The following VPS53 variants were observed in gnomAD, a reference collection of about 807,000 sequenced individuals.
VPS53 encodes vacuolar protein sorting-associated protein 53 homolog.
A neutral mutation model predicts 107.0 loss-of-function variants in VPS53; 70 were observed. The observed-to-expected ratio is 0.65, with a 90% CI of 0.54 to 0.80. The LOEUF (loss-of-function observed/expected upper bound fraction) is 0.80. Ranked by LOEUF, VPS53 falls within the 30% of genes least tolerant of loss-of-function variation. The pLI, the probability that VPS53 is intolerant of heterozygous loss-of-function variation, is 0.00. For missense variants in VPS53, 917 were observed against 1,049.4 expected (o/e 0.87, Z 1.74); for synonymous variants, 409 against 393.3 (o/e 1.04, Z -0.47).
At chr17:618,627 G>A (rs1264649862) in intron 11 of VPS53, among the ~76,000 whole-genome samples, 1 of 151,808 alleles carries the variant, frequency 6.6e-6, no homozygotes, top group Non-Finnish European at 1.5e-5. Flanking sequence ...ATATTTCCCG[G>A]GTAGCTGGGA....
rs182470002 is a variant in VPS53, at chr17:644,050, T to C, written c.608+9241A>G. Among the ~76,000 whole-genome samples, 25 of 152,342 alleles carry C rather than the reference T, an allele frequency of 1.6e-4. No homozygotes were observed. In the East Asian group the frequency reaches 4.6e-3, roughly 28 times the overall value. On this transcript the variant is annotated intron_variant, in intron 7 of 21. Transcript: ENST00000437048. ...GGTTTTCAAGAGAATGTAAGGCTCT[T>C]CCATTCTTCATTGGGAGATACTGAC...
chr17:586,227 G>A (rs776188153), intron 13 of VPS53, 43 bp downstream of exon 13: 74 of 1,578,098 alleles, frequency 4.7e-5, no homozygotes, highest in South Asian at 3.7e-4. Context: ...TGACCAGAGC[G>A]GCGAGAAATG....
chr17:655,917 G>C lies in VPS53; in HGVS notation c.409C>G (p.His137Asp). The C allele has an allele frequency of 1.2e-6, 2 of 1,613,882 alleles. No homozygotes were observed. The highest frequency in any genetic ancestry group is 8.5e-7 in the Non-Finnish European group (1 of 1,179,938). The change falls in exon 6 of 22, where the codon CAC (histidine) becomes GAC (aspartate). Residue 137 changes from histidine to aspartate, a missense_variant. Transcript: ENST00000437048. Reference sequence around the variant, plus strand: ...GAGGTGGTCAGGTGGCGTTTGGCGTGATCTAATTGCTTAATATCACGGGTG... The same window carrying C: ...GAGGTGGTCAGGTGGCGTTTGGCGTCATCTAATTGCTTAATATCACGGGTG... Reference protein sequence around the residue: ...EITRDIKQLDHAKRHLTTSIT... With the variant: ...EITRDIKQLDDAKRHLTTSIT...
intron 1 of VPS53, among the ~76,000 whole-genome samples, chr17:712,420 C>T (rs981446003): frequency 1.9e-4 from 29 of 151,996 alleles, no homozygotes; most frequent in African/African-American, 6.5e-4. Context: ...ACATCGTGAT[C>T]CACCCGCCCT....
intron 3 of VPS53, 118 bp downstream of exon 3, chr17:699,213 C>A: frequency 4.5e-6 from 3 of 664,574 alleles, no homozygotes; most frequent in South Asian, 4.6e-5. Flanking sequence ...ATTATATTAC[C>A]ATCTATGGCA....
In VPS53 at chr17:519,850, G is replaced by C. The variant is rs374400243; in HGVS notation, c.2304C>G (p.Thr768=). The C allele has an allele frequency of 4.4e-4, 685 of 1,551,530 alleles. No individual in the cohort carries two copies. The highest frequency in any genetic ancestry group is 5.8e-4 in the Non-Finnish European group (669 of 1,146,944). The change falls in exon 21 of 22, where the codon ACC becomes ACG. Residue 768 remains threonine (T), a synonymous_variant. Transcript: ENST00000437048. This position sits in a 1 kb window ranked among gnomAD's most constrained non-coding sequence, Gnocchi z 5.0. ...CCTTCATGTCCAGTATCTTCTGAAA[G>C]GTTTCTGTGTTGCAGTCTGTGAGAA... The part of the protein sequence containing the change: ...IKLLTDCNTE[T]FQKILDMKGL...
At chr17:692,722 G>A (rs993345200) in intron 4 of VPS53, among the ~76,000 whole-genome samples, 1 of 152,238 alleles carries the variant, frequency 6.6e-6, no homozygotes, top group Non-Finnish European at 1.5e-5. Flanking sequence ...AGCACACCTA[G>A]CCGGGTGCGG....
At chr17:700,411 C>T (rs893785567) in intron 2 of VPS53, among the ~76,000 whole-genome samples, 2 of 151,826 alleles carry the variant, frequency 1.3e-5, no homozygotes, top group African/African-American at 4.8e-5. Flanking sequence ...ATTAGGCAGG[C>T]TTGGTGGTGG....
At chr17:690,861 T>C (rs753932659) in intron 4 of VPS53, among the ~76,000 whole-genome samples, 4 of 152,224 alleles carry the variant, frequency 2.6e-5, no homozygotes, top group Admixed American at 1.3e-4. Context: ...ACAGACTCCT[T>C]AGAAAATCTA....
At chr17:640,489 G>A (rs576278695) in intron 7 of VPS53, among the ~76,000 whole-genome samples, 6 of 152,206 alleles carry the variant, frequency 3.9e-5, no homozygotes, top group East Asian at 3.9e-4. Flanking sequence ...CTTCTGCGTC[G>A]TTCAAGCTGG....
chr17:555,040 T>C (rs1912209572), intron 15 of VPS53, among the ~76,000 whole-genome samples: 1 of 152,172 alleles, frequency 6.6e-6, no homozygotes, highest in Non-Finnish European at 1.5e-5. Context: ...CTGGAAACAA[T>C]CTACATGTGT....
chr17:677,973 T>C (rs562111077), intron 4 of VPS53, among the ~76,000 whole-genome samples: 4 of 151,680 alleles, frequency 2.6e-5, no homozygotes, highest in Admixed American at 1.3e-4. Flanking sequence ...CAAAAAAAAT[T>C]AGCCAGGCGT....
intron 4 of VPS53, among the ~76,000 whole-genome samples, chr17:671,706 C>CT (rs113856697): frequency 0.15 from 21,170 of 138,634 alleles, 2,033 homozygotes; most frequent in East Asian, 0.5. Flanking sequence ...TTTCCCATGA[C>CT]TTTTTTTTTT....
At chr17:644,948 T>C (rs565925009) in intron 7 of VPS53, among the ~76,000 whole-genome samples, 5 of 152,266 alleles carry the variant, frequency 3.3e-5, no homozygotes, top group South Asian at 2.1e-4. Flanking sequence ...CAAATAGAGA[T>C]TGCGAAATGA....
chr17:599,376 C>G lies in VPS53; in HGVS notation c.1218+2419G>C, dbSNP rs557063172. 2.0e-5 allele frequency among the ~76,000 whole-genome samples: 3 copies of G among 152,248 alleles called. No homozygotes were observed. The South Asian group carries it at 6.2e-4, about 32-fold the overall frequency. ...CCGTGTCTGTGTAGAGAGAAGTAGA[C>G]ATGGGAGACTTTTCATTTTGTTCTG... On this transcript the variant is annotated intron_variant, in intron 12 of 21. Coordinates refer to ENST00000437048, the MANE Select transcript of VPS53 (RefSeq NM_001128159.3).
chr17:611,309 C>A (rs574190101), intron 11 of VPS53, among the ~76,000 whole-genome samples: 9 of 152,292 alleles, frequency 5.9e-5, no homozygotes, highest in Middle Eastern at 3.4e-3. Flanking sequence ...CCACCACACC[C>A]AGCTGAATAG....
At chr17:608,921 AT>A (rs531388006) in intron 11 of VPS53, among the ~76,000 whole-genome samples, 75 of 147,022 alleles carry the variant, frequency 5.1e-4, no homozygotes, top group African/African-American at 6.7e-4. Flanking sequence ...CCCACTGCTC[AT>A]TTTTTTTTTT....
At chr17:604,597 C>T (rs1034844593) in intron 11 of VPS53, among the ~76,000 whole-genome samples, 5 of 152,304 alleles carry the variant, frequency 3.3e-5, no homozygotes, top group South Asian at 2.1e-4. Context: ...GTGCACATCA[C>T]CACACCCAAG....
At position 520,901 on chromosome 17, in the gene VPS53, G is replaced by C. The variant is rs745521413; in HGVS notation, c.2223+700C>G. Among the ~76,000 whole-genome samples, 32 of 151,920 alleles carry C rather than the reference G, an allele frequency of 2.1e-4. No individual in the cohort carries two copies. Among genetic ancestry groups the C allele is most frequent in the Non-Finnish European group, 4.4e-4 (30 of 67,982 alleles). ...GAGCTCTTCACCCTTACCTACATGAGCTGCTTCATCCTCACCCACATCCCA... is the reference window on the plus strand; with the variant it reads ...GAGCTCTTCACCCTTACCTACATGACCTGCTTCATCCTCACCCACATCCCA... On this transcript the variant is annotated intron_variant, in intron 20 of 21. Transcript: ENST00000437048. This position sits in a 1 kb window ranked among gnomAD's most constrained non-coding sequence, Gnocchi z 4.4.
Sources: gnomAD v4.1 joint callset for allele counts (sites outside exome capture counted in the v4.1 genomes callset) on GRCh38, gnomAD v4.1.1 for gene constraint, Gnocchi (gnomAD v3.1) non-coding constraint, MANE v1.5 for transcripts, NCBI Gene and HGNC (gene_info 2026-07-23, HGNC 2026-07-21) for gene names.